The following MDH2 variants were observed in gnomAD, a reference collection of about 807,000 sequenced individuals.
The protein encoded by MDH2 is malate dehydrogenase 2.
MDH2 carries 25 observed loss-of-function variants against 33.6 expected under a neutral mutation model. The observed-to-expected ratio is 0.74, with a 90% CI of 0.54 to 1.04. MDH2 has a LOEUF of 1.04. MDH2 is among the 50% of genes least tolerant of loss of function. The probability of loss-of-function intolerance (pLI) is 0.00; values close to 1 mark genes in which losing one functional copy is unlikely to be tolerated. For missense variants in MDH2, 432 were observed against 445.0 expected (o/e 0.97, Z 0.26); for synonymous variants, 193 against 188.7 (o/e 1.02, Z -0.19).
intron 7 of MDH2, 63 bp downstream of exon 7, chr7:76,064,501 G>T: frequency 1.4e-6 from 2 of 1,379,378 alleles, no homozygotes; most frequent in Non-Finnish European, 2.0e-6. Flanking sequence ...TCAGGGTTGG[G>T]GAGAAATGCT....
chr7:76,063,673 C>T (rs965194013), intron 6 of MDH2, 81 bp downstream of exon 6: 3 of 1,402,210 alleles, frequency 2.1e-6, no homozygotes, highest in African/African-American at 1.4e-5. Context: ...TCCCGGTAGA[C>T]TGGAGAAGGC....
Position 76,067,433 on chromosome 7 carries a change from C to G in MDH2, c.*1023C>G, listed in dbSNP as rs1483833460. ...TCATAAAGGATGACATCGTTTTCTT[C>G]TACAATTAATACATGTTCATTGTAT... On this transcript the variant is annotated 3_prime_UTR_variant, in exon 9 of 9. Coordinates refer to ENST00000315758, the MANE Select transcript of MDH2 (RefSeq NM_005918.4). 1 of 152,146 alleles carries G rather than the reference C, an allele frequency of 6.6e-6. No individual in the cohort carries two copies. The highest frequency in any genetic ancestry group is 1.5e-5 in the Non-Finnish European group (1 of 68,026). 9.4% of individuals were successfully genotyped at this position (152,146 alleles called of 1,614,324 possible).
chr7:76,054,892 C>G lies in MDH2; in HGVS notation c.129C>G (p.Leu43=). 1 of 1,614,164 alleles carries G rather than the reference C, an allele frequency of 6.2e-7. No individual in the cohort carries two copies. Among genetic ancestry groups the G allele is most frequent in the Non-Finnish European group, 8.5e-7 (1 of 1,180,034 alleles). The stretch of plus-strand genomic sequence containing the variant: ...GCATCGGGCAGCCACTTTCACTTCT[C>G]CTGAAGAACAGCCCCTTGGTGAGCC... ...SGGIGQPLSL[L]LKNSPLVSRL... is the part of the protein sequence containing the mutation. The change falls in exon 2 of 9, where the codon CTC becomes CTG. Residue 43 remains leucine, a synonymous_variant. Coordinates refer to ENST00000315758, the MANE Select transcript of MDH2 (RefSeq NM_005918.4).
chr7:76,053,088 C>T (rs773870674), intron 1 of MDH2, among the ~76,000 whole-genome samples: 6 of 152,212 alleles, frequency 3.9e-5, no homozygotes, highest in East Asian at 1.9e-4. Flanking sequence ...AGTTAGATAA[C>T]GGAATAGAAT....
At chr7:76,058,867 C>T (rs868936712) in intron 4 of MDH2, among the ~76,000 whole-genome samples, 8 of 152,204 alleles carry the variant, frequency 5.3e-5, no homozygotes, top group East Asian at 1.9e-4. Flanking sequence ...GTGGTGTAGA[C>T]GCATGGGTAT....
At chr7:76,061,298 A>C (rs949674358) in intron 5 of MDH2, among the ~76,000 whole-genome samples, 8 of 151,916 alleles carry the variant, frequency 5.3e-5, no homozygotes, top group African/African-American at 1.5e-4. Context: ...CCTCCGTTTT[A>C]CTCCCGAGTG....
intron 1 of MDH2, among the ~76,000 whole-genome samples, chr7:76,052,415 A>G (rs1338889526): frequency 3.5e-5 from 4 of 115,904 alleles, no homozygotes; most frequent in African/African-American, 1.4e-4. Context: ...TGGGTGAGAG[A>G]GGGAGACCCT....
At chr7:76,048,276 C>A in intron 1 of MDH2, 50 bp downstream of exon 1, 1 of 1,515,376 alleles carries the variant, frequency 6.6e-7, no homozygotes, top group Admixed American at 2.0e-5. Flanking sequence ...CGGCCCGGGC[C>A]ACGTGCGTCC....
intron 1 of MDH2, 66 bp from the exon 2 acceptor site, chr7:76,054,764 G>C: frequency 1.9e-6 from 3 of 1,588,220 alleles, no homozygotes; most frequent in Non-Finnish European, 2.6e-6. Flanking sequence ...AACATTATAG[G>C]ATACCATGTG....
At chr7:76,056,080 G>A (rs189089079) in intron 2 of MDH2, among the ~76,000 whole-genome samples, 8 of 152,064 alleles carry the variant, frequency 5.3e-5, no homozygotes, top group African/African-American at 1.9e-4. Context: ...CACCTACCTC[G>A]GCCTCCCAAA....
In MDH2 at chr7:76,064,337, A is replaced by G; in HGVS notation, c.634-2A>G. ...TCACTGATCCCATGGCTTGGCTTGC[A>G]GTGCACCCCCAAGGTGGACTTTCCC... On this transcript the variant is annotated splice_acceptor_variant, in intron 6 of 8. Transcript: ENST00000315758. LOFTEE classifies it high-confidence loss of function. The G allele has an allele frequency of 6.2e-7, 1 of 1,609,574 alleles. No individual in the cohort carries two copies. The highest frequency in any genetic ancestry group is 8.5e-7 in the Non-Finnish European group (1 of 1,178,374).
At chr7:76,064,459 G>C in intron 7 of MDH2, 21 bp downstream of exon 7, 1 of 1,597,174 alleles carries the variant, frequency 6.3e-7, no homozygotes, top group South Asian at 1.1e-5. Flanking sequence ...AGGCAGCCCC[G>C]GGGCTGGGTG....
In MDH2 at chr7:76,060,661, G is replaced by GT. The variant is rs1797922293; in HGVS notation, c.555+166dup. Among the ~76,000 whole-genome samples, 3 of 152,144 alleles carry GT rather than the reference G, an allele frequency of 2.0e-5. No individual in the cohort carries two copies. In the South Asian group the frequency reaches 6.2e-4, roughly 32 times the overall value. On this transcript the variant is annotated intron_variant, in intron 5 of 8. Coordinates refer to ENST00000315758, the MANE Select transcript of MDH2 (RefSeq NM_005918.4). The stretch of plus-strand genomic sequence containing the variant: ...CCCTCTTGATGGAAGCAGCCCCTGT[G>GT]TTTCCTGTGGGTTCCAGGCACTCGG...
chr7:76,052,298 G>A (rs1585399680), intron 1 of MDH2, among the ~76,000 whole-genome samples: 1 of 152,016 alleles, frequency 6.6e-6, no homozygotes, highest in African/African-American at 2.4e-5. Context: ...TCTACAAAAT[G>A]AGTGGTGTGT....
At position 76,066,471 on chromosome 7, in the gene MDH2, G is replaced by A. The variant is rs1585416199; in HGVS notation, c.*61G>A. The A allele has an allele frequency of 2.4e-5, 37 of 1,537,288 alleles. No individual in the cohort carries two copies. The highest frequency in any genetic ancestry group is 4.1e-5 in the Admixed American group (2 of 49,100). ...GAAGGCATCATGTCACTGCAAAGCC[G>A]TTGCAGATAAACTTTGTATTTTAAT... On this transcript the variant is annotated 3_prime_UTR_variant, in exon 9 of 9. Transcript: ENST00000315758.
intron 4 of MDH2, 169 bp downstream of exon 4, chr7:76,058,247 G>A (rs1374023557): frequency 1.1e-5 from 7 of 616,180 alleles, no homozygotes; most frequent in Admixed American, 2.8e-5. Flanking sequence ...GCAGAGGCCC[G>A]TCCGTGCACT....
chr7:76,066,674 A>T lies in MDH2; in HGVS notation c.*264A>T, dbSNP rs183953258. On this transcript the variant is annotated 3_prime_UTR_variant, in exon 9 of 9. Coordinates refer to ENST00000315758, the MANE Select transcript of MDH2 (RefSeq NM_005918.4). ...AGTGTCTGCTACCTCTTCATTACCA[A>T]TCAGAATTAGATGATGTTTAACTGT... 1 of 305,066 alleles carries T rather than the reference A, an allele frequency of 3.3e-6. No homozygotes were observed. Among genetic ancestry groups the T allele is most frequent in the Non-Finnish European group, 6.1e-6 (1 of 164,522 alleles). 18.9% of individuals were successfully genotyped at this position (305,066 alleles called of 1,614,324 possible). A position where few individuals can be genotyped will look rare whatever the true frequency, so the allele number is the denominator to read the frequency against.
chr7:76,061,272 C>T (rs1797939932), intron 5 of MDH2, among the ~76,000 whole-genome samples: 4 of 152,158 alleles, frequency 2.6e-5, no homozygotes, highest in Admixed American at 6.5e-5. Flanking sequence ...AGGAAGTGCA[C>T]CCGCAGCACC....
In MDH2 at chr7:76,067,145, AAAG is replaced by A. The variant is rs1798115864; in HGVS notation, c.*739_*741del. The A allele has an allele frequency of 1.3e-5, 2 of 152,296 alleles. No individual in the cohort carries two copies. The highest frequency in any genetic ancestry group is 4.8e-5 in the African/African-American group (2 of 41,462). 9.4% of individuals were successfully genotyped at this position (152,296 alleles called of 1,614,324 possible). On this transcript the variant is annotated 3_prime_UTR_variant, in exon 9 of 9. Coordinates refer to ENST00000315758, the MANE Select transcript of MDH2 (RefSeq NM_005918.4). ...GGTTCCAGGTTTCCATCAGTGGCCTAAAGAAGGGACTTCTTGTTGTACTGAGGA... is the reference window on the plus strand; with the variant it reads ...GGTTCCAGGTTTCCATCAGTGGCCTAAAGGGACTTCTTGTTGTACTGAGGA...
Sources: gnomAD v4.1 joint callset for allele counts (sites outside exome capture counted in the v4.1 genomes callset) on GRCh38, gnomAD v4.1.1 for gene constraint, MANE v1.5 for transcripts, NCBI Gene and HGNC (gene_info 2026-07-23, HGNC 2026-07-21) for gene names.